Variants in EXOC6B observed in about 807,000 individuals in gnomAD.
EXOC6B encodes the protein SEC15 homolog B.
EXOC6B carries 54 observed loss-of-function variants against 113.5 expected under a neutral mutation model. The ratio of observed to expected loss-of-function variants is 0.48; its 90% CI spans 0.38 to 0.60. EXOC6B has a LOEUF of 0.60. EXOC6B is among the 20% of genes least tolerant of loss of function. The pLI is 0.00. For missense variants in EXOC6B, 797 were observed against 977.5 expected (o/e 0.82, Z 2.46); for synonymous variants, 357 against 339.0 (o/e 1.05, Z -0.58).
chr2:72,263,875 G>A (rs889251442), intron 20 of EXOC6B, among the ~76,000 whole-genome samples: 3 of 152,148 alleles, frequency 2.0e-5, no homozygotes, highest in East Asian at 3.9e-4. Context: ...GTCTCTTTCA[G>A]CTTCTGCTAC....
At chr2:72,681,769 T>C (rs1055927295) in intron 6 of EXOC6B, among the ~76,000 whole-genome samples, 4 of 151,988 alleles carry the variant, frequency 2.6e-5, no homozygotes, top group Non-Finnish European at 4.4e-5. Context: ...GATGGCAGTA[T>C]AGTTGGTAAG....
intron 11 of EXOC6B, among the ~76,000 whole-genome samples, chr2:72,504,770 T>G (rs1455795828): frequency 6.6e-6 from 1 of 152,196 alleles, no homozygotes; most frequent in African/African-American, 2.4e-5. Flanking sequence ...TTTCTATTGC[T>G]CCATATCTTT....
intron 5 of EXOC6B, among the ~76,000 whole-genome samples, chr2:72,730,063 C>A (rs1001433470): frequency 6.6e-6 from 1 of 152,092 alleles, no homozygotes; most frequent in Non-Finnish European, 1.5e-5. Flanking sequence ...CATCTCAGGG[C>A]AGAGAGGTTG....
intron 5 of EXOC6B, among the ~76,000 whole-genome samples, chr2:72,724,763 A>G (rs1344907359): frequency 2.0e-5 from 3 of 152,234 alleles, no homozygotes; most frequent in African/African-American, 7.2e-5. Context: ...CTATACATGA[A>G]AAATATATTA....
chr2:72,566,845 A>T (rs1205339892), intron 7 of EXOC6B, among the ~76,000 whole-genome samples: 1 of 152,106 alleles, frequency 6.6e-6, no homozygotes, highest in Non-Finnish European at 1.5e-5. Flanking sequence ...AGCAGTAAAA[A>T]TAGAATGAGA....
At chr2:72,573,985 G>T (rs1190088860) in intron 7 of EXOC6B, among the ~76,000 whole-genome samples, 2 of 151,868 alleles carry the variant, frequency 1.3e-5, no homozygotes, top group Non-Finnish European at 2.9e-5. Context: ...GCATGGTGGC[G>T]GGCGCCTGTA....
intron 1 of EXOC6B, among the ~76,000 whole-genome samples, chr2:72,791,659 T>C (rs1158968573): frequency 6.6e-6 from 1 of 152,248 alleles, no homozygotes; most frequent in Non-Finnish European, 1.5e-5. Context: ...ATAATAATGA[T>C]GTGAGAACAA....
At chr2:72,332,020 GA>G (rs1385172060) in intron 20 of EXOC6B, among the ~76,000 whole-genome samples, 1 of 151,994 alleles carries the variant, frequency 6.6e-6, no homozygotes, top group Non-Finnish European at 1.5e-5. Flanking sequence ...GATACTGTCT[GA>G]AACTCTCTAA....
intron 18 of EXOC6B, among the ~76,000 whole-genome samples, chr2:72,405,876 C>A (rs1164909940): frequency 6.6e-6 from 1 of 152,086 alleles, no homozygotes; most frequent in Non-Finnish European, 1.5e-5. Flanking sequence ...TGTAAATGGG[C>A]TAAATGCTCC....
intron 6 of EXOC6B, among the ~76,000 whole-genome samples, chr2:72,609,962 G>A (rs1670976205): frequency 6.6e-6 from 1 of 152,038 alleles, no homozygotes; most frequent in African/African-American, 2.4e-5. Flanking sequence ...AAAATGACAT[G>A]TTTAAAGTGC....
chr2:72,603,148 A>G (rs2104015188), intron 6 of EXOC6B, among the ~76,000 whole-genome samples: 1 of 151,446 alleles, frequency 6.6e-6, no homozygotes, highest in South Asian at 2.1e-4. Context: ...TGGCCTTTTA[A>G]GCAGTTTCAC....
At chr2:72,709,573 C>T (rs1308586826) in intron 6 of EXOC6B, among the ~76,000 whole-genome samples, 1 of 152,166 alleles carries the variant, frequency 6.6e-6, no homozygotes. Context: ...AAATACTGAA[C>T]TCAATGTATA....
intron 18 of EXOC6B, among the ~76,000 whole-genome samples, chr2:72,426,232 C>T (rs1695190681): frequency 6.6e-6 from 1 of 152,116 alleles, no homozygotes; most frequent in African/African-American, 2.4e-5. Context: ...CTTTGCTCAT[C>T]CCCATCTGCC....
intron 20 of EXOC6B, among the ~76,000 whole-genome samples, chr2:72,268,076 G>A (rs141041219): frequency 6.2e-4 from 94 of 152,254 alleles, no homozygotes; most frequent in African/African-American, 2.1e-3. Flanking sequence ...TATAATGGAA[G>A]ACTATACAAC....
chr2:72,441,764 C>T (rs564184584), intron 18 of EXOC6B, among the ~76,000 whole-genome samples: 16 of 152,084 alleles, frequency 1.1e-4, no homozygotes, highest in African/African-American at 1.4e-4. Flanking sequence ...AACCACCCCC[C>T]GCCCAACAAA....
intron 20 of EXOC6B, among the ~76,000 whole-genome samples, chr2:72,314,299 G>A (rs1206539187): frequency 2.6e-5 from 4 of 152,108 alleles, no homozygotes; most frequent in Admixed American, 1.3e-4. Context: ...CTACTCTGCT[G>A]GAATAAGAGG....
At chr2:72,485,170 T>C (rs1344647862) in intron 16 of EXOC6B, among the ~76,000 whole-genome samples, 1 of 152,220 alleles carries the variant, frequency 6.6e-6, no homozygotes, top group East Asian at 1.9e-4. Flanking sequence ...TGAACCATGA[T>C]GACATTCTAT....
At chr2:72,391,869 A>G (rs1298065506) in intron 18 of EXOC6B, among the ~76,000 whole-genome samples, 1 of 152,172 alleles carries the variant, frequency 6.6e-6, no homozygotes, top group Non-Finnish European at 1.5e-5. Context: ...AGTGAGACTC[A>G]AATCTCTTTT....
intron 20 of EXOC6B, among the ~76,000 whole-genome samples, chr2:72,232,257 G>A (rs1398968210): frequency 1.3e-5 from 2 of 152,126 alleles, no homozygotes; most frequent in Non-Finnish European, 2.9e-5. Flanking sequence ...TTACAGGTGT[G>A]AGCCACTGTG....
Sources: allele counts gnomAD v4.1 joint callset (sites outside exome capture counted in the v4.1 genomes callset), GRCh38; gene constraint gnomAD v4.1.1; transcripts MANE v1.5; gene names NCBI Gene and HGNC (gene_info 2026-07-23, HGNC 2026-07-21).